The following PAK5 variants were observed in gnomAD, a reference collection of about 807,000 sequenced individuals.
PAK5 encodes the protein serine/threonine-protein kinase PAK 5.
In PAK5, 16 loss-of-function variants were observed where a neutral mutation model predicts 65.9. That is an observed-to-expected ratio of 0.24 (90% CI 0.16 to 0.37). The LOEUF is 0.37. Ranked by LOEUF, PAK5 falls within the 10% of genes least tolerant of loss-of-function variation. The pLI is 1.00. For synonymous variants in PAK5, 371 were observed against 354.9 expected, an observed-to-expected ratio of 1.05 and a Z score of -0.51; for missense variants, 785 against 903.9, an observed-to-expected ratio of 0.87 and a Z score of 1.69.
At chr20:9,581,742 C>T (rs979416524) in intron 3 of PAK5, among the ~76,000 whole-genome samples, 4 of 152,204 alleles carry the variant, frequency 2.6e-5, no homozygotes, top group Admixed American at 6.5e-5. Flanking sequence ...TGAAAGACAT[C>T]GCAAACCACT....
chr20:9,759,675 A>C (rs1238869604), intron 1 of PAK5, among the ~76,000 whole-genome samples: 1 of 152,118 alleles, frequency 6.6e-6, no homozygotes. Flanking sequence ...CAAGGTCGAA[A>C]AAGGAGGCTC....
chr20:9,775,594 C>T (rs1218684240), intron 1 of PAK5, among the ~76,000 whole-genome samples: 1 of 151,542 alleles, frequency 6.6e-6, no homozygotes, highest in Admixed American at 6.6e-5. Context: ...TACAAAAGAC[C>T]CTCATTTTCA....
At chr20:9,786,883 C>G (rs2048998574) in intron 1 of PAK5, among the ~76,000 whole-genome samples, 1 of 152,082 alleles carries the variant, frequency 6.6e-6, no homozygotes. Flanking sequence ...AGTAATATAG[C>G]TAAAGGCAAG....
At chr20:9,770,567 G>A (rs1600352679) in intron 1 of PAK5, among the ~76,000 whole-genome samples, 1 of 152,150 alleles carries the variant, frequency 6.6e-6, no homozygotes, top group Non-Finnish European at 1.5e-5. Context: ...GGCAAGATGG[G>A]CATGAAGAGT....
At chr20:9,685,165 ATTTTCTAAC>A (rs2047701289) in intron 2 of PAK5, among the ~76,000 whole-genome samples, 3 of 152,056 alleles carry the variant, frequency 2.0e-5, no homozygotes, top group African/African-American at 7.2e-5. Flanking sequence ...CTTTTTAAGC[ATTTTCTAAC>A]TGGGTAAACC....
Position 9,759,707 on chromosome 20 carries a change from T to A in PAK5, c.-161-48272A>T, listed in dbSNP as rs533283618. 1.1e-3 allele frequency among the ~76,000 whole-genome samples: 168 copies of A among 152,170 alleles called. 5 individuals are homozygous for A. The South Asian group carries it at 0.023, about 21-fold the overall frequency. ...GCTCTCCTGGTCCCATGCATGGGGC[T>A]TTTTTGAAACCCACAACGTTTACCC... On this transcript the variant is annotated intron_variant, in intron 1 of 9. Transcript: ENST00000353224.
intron 3 of PAK5, among the ~76,000 whole-genome samples, chr20:9,581,243 C>G (rs1164198619): frequency 6.6e-6 from 1 of 152,124 alleles, no homozygotes; most frequent in Non-Finnish European, 1.5e-5. Flanking sequence ...AATCCCTTCC[C>G]CCTACTTCTT....
chr20:9,787,630 T>C (rs1267222543), intron 1 of PAK5, among the ~76,000 whole-genome samples: 1 of 150,666 alleles, frequency 6.6e-6, no homozygotes, highest in African/African-American at 2.5e-5. Context: ...TGTGTGTGTG[T>C]GTGTGTGTGT....
In PAK5 at chr20:9,823,576, G is replaced by A. The variant is rs971762445; in HGVS notation, c.-162+15186C>T. On this transcript the variant is annotated intron_variant, in intron 1 of 9. Coordinates refer to ENST00000353224, the MANE Select transcript of PAK5 (RefSeq NM_177990.4). ...TTGCCTTCCGCCATGTAAGACGATC[G>A]TTTGCTCTTCCTTCGTCATCCACCA... is the stretch of plus-strand genomic sequence containing the variant. 3.3e-5 allele frequency among the ~76,000 whole-genome samples: 5 copies of A among 152,110 alleles called. No individual in the cohort carries two copies. In the South Asian group the frequency reaches 1.0e-3, roughly 31 times the overall value.
At chr20:9,749,854 T>A (rs1373796511) in intron 1 of PAK5, among the ~76,000 whole-genome samples, 1 of 152,188 alleles carries the variant, frequency 6.6e-6, no homozygotes, top group African/African-American at 2.4e-5. Context: ...ATTTACATGG[T>A]AGCCCAAGTT....
rs552927471 is a variant in PAK5, at chr20:9,686,857, T to C, written c.-12+24429A>G. Among the ~76,000 whole-genome samples, 54 of 152,234 alleles carry C rather than the reference T, an allele frequency of 3.5e-4. 1 individual carries two copies. The highest frequency in any genetic ancestry group is 3.9e-4 in the Admixed American group (6 of 15,278). Reference sequence around the variant, plus strand: ...CAAGCATCGAGTATAAGGAGTTTATTTGGGAAGTACAGGGACCATTGTTAG... The same window carrying C: ...CAAGCATCGAGTATAAGGAGTTTATCTGGGAAGTACAGGGACCATTGTTAG... On this transcript the variant is annotated intron_variant, in intron 2 of 9. Transcript: ENST00000353224.
intron 2 of PAK5, among the ~76,000 whole-genome samples, chr20:9,694,985 C>T (rs2123444364): frequency 6.6e-6 from 1 of 152,092 alleles, no homozygotes; most frequent in African/African-American, 2.4e-5. Flanking sequence ...GTCAGCTTTC[C>T]AAAGTGCTCA....
At chr20:9,775,175 G>A (rs2048874777) in intron 1 of PAK5, among the ~76,000 whole-genome samples, 1 of 152,110 alleles carries the variant, frequency 6.6e-6, no homozygotes, top group Non-Finnish European at 1.5e-5. Context: ...CTTGGTTGGG[G>A]TGTGGGTTAT....
intron 1 of PAK5, among the ~76,000 whole-genome samples, chr20:9,756,010 T>C (rs1009339441): frequency 3.3e-5 from 5 of 152,148 alleles, no homozygotes; most frequent in Non-Finnish European, 5.9e-5. Flanking sequence ...AGGGTTTTGT[T>C]TCATCACTGA....
chr20:9,815,042 T>C (rs2049340438), intron 1 of PAK5, among the ~76,000 whole-genome samples: 1 of 152,084 alleles, frequency 6.6e-6, no homozygotes. Context: ...AGAGATCATG[T>C]GGCAAGAGGG....
chr20:9,685,496 G>A (rs1331871637), intron 2 of PAK5, among the ~76,000 whole-genome samples: 4 of 152,148 alleles, frequency 2.6e-5, no homozygotes, highest in Non-Finnish European at 5.9e-5. Flanking sequence ...GTAAAAGATT[G>A]CCAGAAAACA....
chr20:9,643,431 T>C (rs961476999), intron 3 of PAK5, among the ~76,000 whole-genome samples: 1 of 152,220 alleles, frequency 6.6e-6, no homozygotes, highest in Non-Finnish European at 1.5e-5. Flanking sequence ...GTAATTACTT[T>C]TATGAGCATT....
intron 1 of PAK5, among the ~76,000 whole-genome samples, chr20:9,755,992 A>G (rs146673751): frequency 6.6e-5 from 10 of 152,180 alleles, no homozygotes; most frequent in African/African-American, 2.4e-4. Flanking sequence ...ACATAGCTCC[A>G]TGAAGATAGG....
Position 9,538,331 on chromosome 20 carries a change from G to A in PAK5, c.*1131C>T, listed in dbSNP as rs760224735. 3 of 233,480 alleles carry A rather than the reference G, an allele frequency of 1.3e-5. No individual in the cohort carries two copies. Among genetic ancestry groups the A allele is most frequent in the Non-Finnish European group, 2.5e-5 (3 of 118,028 alleles). 14.5% of individuals were successfully genotyped at this position (233,480 alleles called of 1,614,324 possible). A position where few individuals can be genotyped will look rare whatever the true frequency, so the allele number is the denominator to read the frequency against. ...TAGAGTCAGTTCAGACTTCCAGCAC[G>A]ATACATGAACAATAGCGATTAATAC... is the stretch of plus-strand genomic sequence containing the variant. On this transcript the variant is annotated 3_prime_UTR_variant, in exon 10 of 10. Transcript: ENST00000353224.
Sources: gnomAD v4.1 joint callset for allele counts (sites outside exome capture counted in the v4.1 genomes callset) on GRCh38, gnomAD v4.1.1 for gene constraint, MANE v1.5 for transcripts, NCBI Gene and HGNC (gene_info 2026-07-23, HGNC 2026-07-21) for gene names.